S100A8: variants seen among roughly 807,000 people sequenced by gnomAD.
S100A8 encodes S100 calcium binding protein A8.
In S100A8, 1 loss-of-function variant was observed where a neutral mutation model predicts 4.2. The ratio of observed to expected loss-of-function variants is 0.24; its 90% CI spans 0.08 to 1.12. S100A8 has a LOEUF of 1.12. Among genes scored for constraint, S100A8 ranks in the 50% most tolerant of loss-of-function variants. The pLI is 0.53. For missense variants in S100A8, 96 were observed against 111.8 expected (o/e 0.86, Z 0.64); for synonymous variants, 41 against 44.7 (o/e 0.92, Z 0.33).
At chr1:153,395,645 G>A (rs538632030), upstream of S100A8, among the ~76,000 whole-genome samples, 3 of 152,016 alleles carry the variant, frequency 2.0e-5, no homozygotes, top group Non-Finnish European at 4.4e-5. Flanking sequence ...CAGGGCCCTC[G>A]CCCCTTCCCC....
the S100A8 span, among the ~76,000 whole-genome samples, chr1:153,398,980 G>A: frequency 2.2e-4 from 33 of 152,164 alleles, no homozygotes; most frequent in African/African-American, 6.0e-4. Context: ...CACACTGTAC[G>A]TGTTCTCCAA....
At chr1:153,418,887 G>A in the S100A8 span, among the ~76,000 whole-genome samples, 6 of 152,270 alleles carry the variant, frequency 3.9e-5, no homozygotes, top group South Asian at 2.1e-4. Context: ...CTCTCCCCAA[G>A]GTCACTTAAC....
At chr1:153,413,468 G>A in the S100A8 span, among the ~76,000 whole-genome samples, 1 of 152,206 alleles carries the variant, frequency 6.6e-6, no homozygotes, top group Admixed American at 6.5e-5. Flanking sequence ...CATTACTGGT[G>A]TTTTGTTATC....
At chr1:153,408,624 G>A in the S100A8 span, among the ~76,000 whole-genome samples, 1 of 152,126 alleles carries the variant, frequency 6.6e-6, no homozygotes, top group East Asian at 1.9e-4. Flanking sequence ...GAAATACAGA[G>A]AGGGCCACAA....
chr1:153,403,849 C>A, the S100A8 span, among the ~76,000 whole-genome samples: 1 of 152,076 alleles, frequency 6.6e-6, no homozygotes, highest in African/African-American at 2.4e-5. Context: ...GGGTATCGTG[C>A]AATTCCGTTC....
the S100A8 span, among the ~76,000 whole-genome samples, chr1:153,415,416 G>T: frequency 6.6e-6 from 1 of 152,028 alleles, no homozygotes; most frequent in Non-Finnish European, 1.5e-5. Context: ...GACCTCTTGC[G>T]GCCTACAAGG....
At chr1:153,419,201 G>A in the S100A8 span, 2 of 1,614,180 alleles carry the variant, frequency 1.2e-6, no homozygotes, top group African/African-American at 1.3e-5. Context: ...ACAAGAATGA[G>A]GATAAGAAGA....
At chr1:153,416,504 C>T in the S100A8 span, 1 of 465,010 alleles carries the variant, frequency 2.2e-6, no homozygotes, top group South Asian at 1.8e-5. Context: ...TAAAGGACTG[C>T]TCTTTGTCCA....
At chr1:153,415,942 G>C in the S100A8 span, among the ~76,000 whole-genome samples, 1 of 152,200 alleles carries the variant, frequency 6.6e-6, no homozygotes, top group Non-Finnish European at 1.5e-5. Context: ...TTCTTTGTTC[G>C]TGTGATGATT....
chr1:153,422,567 A>C, the S100A8 span: 4 of 983,142 alleles, frequency 4.1e-6, no homozygotes, highest in Non-Finnish European at 4.8e-6. Context: ...TTCCCCAGAA[A>C]TTCTGATATC....
chr1:153,406,413 C>T, the S100A8 span, among the ~76,000 whole-genome samples: 20 of 151,980 alleles, frequency 1.3e-4, 1 homozygote, highest in Admixed American at 1.2e-3. Flanking sequence ...TGGGGGCTTC[C>T]GGGCTCTGTC....
At chr1:153,393,914 C>A (rs1488453077), upstream of S100A8, among the ~76,000 whole-genome samples, 3 of 152,164 alleles carry the variant, frequency 2.0e-5, no homozygotes, top group Admixed American at 2.0e-4. Context: ...TGAGTGGTGA[C>A]CTCCTTCCCA....
At chr1:153,410,011 C>G in the S100A8 span, among the ~76,000 whole-genome samples, 1 of 152,172 alleles carries the variant, frequency 6.6e-6, no homozygotes, top group African/African-American at 2.4e-5. Flanking sequence ...GCACTAAATG[C>G]CCACAGGTGA....
chr1:153,394,562 AG>A (rs1662172895), upstream of S100A8, among the ~76,000 whole-genome samples: 2 of 152,176 alleles, frequency 1.3e-5, no homozygotes, highest in East Asian at 3.8e-4. Flanking sequence ...GTACAAAACA[AG>A]CACAGTGTGG....
the S100A8 span, among the ~76,000 whole-genome samples, chr1:153,408,144 A>G: frequency 2.0e-5 from 3 of 152,244 alleles, no homozygotes; most frequent in Admixed American, 6.5e-5. Context: ...TGAGAGAAGA[A>G]GGCTTCAGAT....
chr1:153,390,153 T>C lies in S100A8; in HGVS notation c.232A>G (p.Met78Val), dbSNP rs536277746. The change falls in exon 3 of 3, where the codon ATG becomes GTG. Residue 78 changes from methionine (M) to valine (V), a missense_variant. Physicochemically the swap from Met to Val is conservative, Grantham distance 21. Transcript: ENST00000368733. Reference protein sequence around the residue: ...FQEFLILVIKMGVAAHKKSHE... With the variant: ...FQEFLILVIKVGVAAHKKSHE... ...CTTTTTTTGTGGGCTGCCACGCCCATCTTTATCACCAGAATGAGGAACTCC... is the reference window on the plus strand; with the variant it reads ...CTTTTTTTGTGGGCTGCCACGCCCACCTTTATCACCAGAATGAGGAACTCC... 6.2e-7 allele frequency: 1 copy of C among 1,614,086 alleles called. No homozygotes were observed. The highest frequency in any genetic ancestry group is 1.1e-5 in the South Asian group (1 of 91,072).
At chr1:153,401,751 A>G in the S100A8 span, among the ~76,000 whole-genome samples, 1 of 152,208 alleles carries the variant, frequency 6.6e-6, no homozygotes, top group African/African-American at 2.4e-5. Flanking sequence ...ATAATATTCA[A>G]TTTCTGACTA....
At chr1:153,418,005 C>T in the S100A8 span, 8 of 1,589,382 alleles carry the variant, frequency 5.0e-6, no homozygotes, top group African/African-American at 8.1e-5. Context: ...CCTTCTAACA[C>T]CCCCACATAG....
chr1:153,393,828 T>C (rs1363469302), upstream of S100A8, among the ~76,000 whole-genome samples: 1 of 152,206 alleles, frequency 6.6e-6, no homozygotes, highest in Non-Finnish European at 1.5e-5. Context: ...AGTATAATTA[T>C]CCCTATTTGA....
Sources: allele counts gnomAD v4.1 joint callset (sites outside exome capture counted in the v4.1 genomes callset), GRCh38; gene constraint gnomAD v4.1.1; transcripts MANE v1.5; gene names NCBI Gene and HGNC (gene_info 2026-07-23, HGNC 2026-07-21).